Variants in KLHDC4 observed in about 807,000 individuals in gnomAD.
KLHDC4 encodes the protein kelch domain containing 4, also known as kelch domain-containing protein 4.
A neutral mutation model predicts 62.4 loss-of-function variants in KLHDC4; 90 were observed. That is an observed-to-expected ratio of 1.44 (90% CI 1.22 to 1.72). The LOEUF (loss-of-function observed/expected upper bound fraction) is 1.72, where lower values mean the gene tolerates loss of function less well. Ranked by LOEUF, KLHDC4 falls within the 40% of genes most tolerant of loss-of-function variation. The pLI, the probability that KLHDC4 is intolerant of heterozygous loss-of-function variation, is 0.00. For synonymous variants in KLHDC4, 386 were observed against 284.4 expected, an observed-to-expected ratio of 1.36 and a Z score of -3.59; for missense variants, 1,025 against 699.7, an observed-to-expected ratio of 1.47 and a Z score of -5.25.
At chr16:87,758,851 T>G (rs959873969) in intron 2 of KLHDC4, among the ~76,000 whole-genome samples, 2 of 152,144 alleles carry the variant, frequency 1.3e-5, no homozygotes, top group Admixed American at 6.5e-5. Flanking sequence ...ATGAAGTAAT[T>G]CCACTGAACT....
rs185758991 is a variant in KLHDC4, at chr16:87,734,339, G to A, written c.507-3695C>T. ...AGTCTGGGCGATAGAGCAAGACTCC[G>A]TCTCAAGAAAAAAAAAACACAAGAC... On this transcript the variant is annotated intron_variant, in intron 5 of 11. Coordinates refer to ENST00000270583, the MANE Select transcript of KLHDC4 (RefSeq NM_017566.4). Among the ~76,000 whole-genome samples, 127 of 151,904 alleles carry A rather than the reference G, an allele frequency of 8.4e-4. 1 individual carries two copies. Among genetic ancestry groups the A allele is most frequent in the African/African-American group, 2.8e-3 (114 of 41,420 alleles).
chr16:87,711,118 G>C lies in KLHDC4; in HGVS notation c.1044+117C>G, dbSNP rs887156513. 7 of 954,822 alleles carry C rather than the reference G, an allele frequency of 7.3e-6. No individual in the cohort carries two copies. The African/African-American group carries it at 9.7e-5, about 13-fold the overall frequency. The allele number at this position is 954,822 out of a possible 1,614,324, so 59.1% of individuals were successfully genotyped here. A position where few individuals can be genotyped will look rare whatever the true frequency, so the allele number is the denominator to read the frequency against. On this transcript the variant is annotated intron_variant, in intron 9 of 11. Coordinates refer to ENST00000270583, the MANE Select transcript of KLHDC4 (RefSeq NM_017566.4). ...GAGACGGAACCCTCGCCCCTCTTGA[G>C]AGAGCTCATGGGCTTTGGGGGCCCC...
At chr16:87,699,199 C>T (rs1162245786) in exon 1 of KLHDC4, 1 of 152,270 alleles carries the variant, frequency 6.6e-6, no homozygotes, top group East Asian at 1.9e-4. Context: ...GTTTTACTTA[C>T]CAGCCTCTGC....
At chr16:87,716,355 C>T (rs968618263) in intron 7 of KLHDC4, among the ~76,000 whole-genome samples, 17 of 152,136 alleles carry the variant, frequency 1.1e-4, no homozygotes, top group Admixed American at 2.6e-4. Context: ...TCTGGGTACG[C>T]GCTATGTCTC....
At chr16:87,752,344 T>TC (rs1318337144) in intron 4 of KLHDC4, among the ~76,000 whole-genome samples, 3 of 149,828 alleles carry the variant, frequency 2.0e-5, no homozygotes, top group African/African-American at 4.9e-5. Context: ...TTTTCTTTTT[T>TC]TTTTTTTTTG....
At chr16:87,737,262 C>G (rs2041490375) in intron 5 of KLHDC4, among the ~76,000 whole-genome samples, 1 of 151,858 alleles carries the variant, frequency 6.6e-6, no homozygotes, top group Admixed American at 6.6e-5. Context: ...AGTTAGAGGC[C>G]TCAGCACTGA....
chr16:87,762,133 G>T lies in KLHDC4; in HGVS notation c.100-93C>A, dbSNP rs776569273. 20 of 1,562,324 alleles carry T rather than the reference G, an allele frequency of 1.3e-5. No homozygotes were observed. The South Asian group carries it at 2.4e-4, about 19-fold the overall frequency. ...AGCTTTCCTCCAATCAGTGTGATTC[G>T]ACTGGGCTCAGTCACATCTGTGAAT... On this transcript the variant is annotated intron_variant, in intron 1 of 11. Transcript: ENST00000270583.
At chr16:87,730,398 T>C (rs897802725) in intron 6 of KLHDC4, among the ~76,000 whole-genome samples, 154 bp downstream of exon 6, 1 of 152,262 alleles carries the variant, frequency 6.6e-6, no homozygotes, top group African/African-American at 2.4e-5. Context: ...TGAGGCCCTT[T>C]GGAGGGCAAG....
chr16:87,709,266 T>C lies in KLHDC4; in HGVS notation c.1446A>G (p.Pro482=). The change falls in exon 10 of 12, where the codon CCA becomes CCG. Residue 482 remains proline, a splice_region_variant and synonymous_variant. Transcript: ENST00000270583. The stretch of plus-strand genomic sequence containing the variant: ...GAGGCACCAAGCTGCCTGGCTCACC[T>C]GGGTCCATCTCCACCAAGGCCTTCC... ...EAWKALVEMD[P]ETQEWLEETD... is the part of the protein sequence containing the mutation. The C allele has an allele frequency of 1.2e-6, 2 of 1,606,374 alleles. No homozygotes were observed. The highest frequency in any genetic ancestry group is 1.1e-5 in the South Asian group (1 of 90,990).
chr16:87,706,942 C>T (rs997502302), downstream of KLHDC4, among the ~76,000 whole-genome samples: 15 of 152,142 alleles, frequency 9.9e-5, no homozygotes, highest in South Asian at 2.1e-4. Flanking sequence ...CTTCCACCCG[C>T]CCAGCACCGG....
rs1246526222 is a variant in KLHDC4, at chr16:87,718,689, G to A, written c.760-4116C>T. ...GAGCGTCTCTGCCTGGCCGCCCATC[G>A]TCTGGGATGTGAGGAGCCCCTCTGC... On this transcript the variant is annotated intron_variant, in intron 7 of 11. Coordinates refer to ENST00000270583, the MANE Select transcript of KLHDC4 (RefSeq NM_017566.4). Among the ~76,000 whole-genome samples the A allele has an allele frequency of 4.1e-5, 6 of 145,230 alleles. No homozygotes were observed. In the South Asian group the frequency reaches 8.9e-4, roughly 21 times the overall value.
intron 4 of KLHDC4, among the ~76,000 whole-genome samples, chr16:87,754,582 C>T (rs985917935): frequency 2.0e-5 from 3 of 152,182 alleles, no homozygotes; most frequent in Non-Finnish European, 4.4e-5. Flanking sequence ...TCTTTCTCTG[C>T]ACTGGAGAGG....
Position 87,734,627 on chromosome 16 carries a change from G to A in KLHDC4, c.507-3983C>T, listed in dbSNP as rs994770419. On this transcript the variant is annotated intron_variant, in intron 5 of 11. Coordinates refer to ENST00000270583, the MANE Select transcript of KLHDC4 (RefSeq NM_017566.4). ...CCCCTCCATGGAATGTCAACCAGAAGCAATCAGTTCCTTTTTCTAGACACC... is the reference window on the plus strand; with the variant it reads ...CCCCTCCATGGAATGTCAACCAGAAACAATCAGTTCCTTTTTCTAGACACC... 5.9e-5 allele frequency among the ~76,000 whole-genome samples: 9 copies of A among 152,162 alleles called. 1 individual carries two copies. Among genetic ancestry groups the A allele is most frequent in the African/African-American group, 2.2e-4 (9 of 41,434 alleles).
intron 6 of KLHDC4, among the ~76,000 whole-genome samples, chr16:87,729,930 G>A (rs375138326): frequency 2.3e-4 from 35 of 152,280 alleles, no homozygotes; most frequent in African/African-American, 7.7e-4. Flanking sequence ...ACCAGGCTAA[G>A]GTTTGAGAAT....
chr16:87,712,523 C>T (rs750728349), intron 8 of KLHDC4, among the ~76,000 whole-genome samples: 9 of 152,230 alleles, frequency 5.9e-5, no homozygotes, highest in Non-Finnish European at 7.3e-5. Context: ...TGGGGGCTGA[C>T]GAGCAGAGCA....
chr16:87,751,328 G>C (rs1489953525), intron 4 of KLHDC4, among the ~76,000 whole-genome samples: 2 of 152,072 alleles, frequency 1.3e-5, no homozygotes, highest in East Asian at 1.9e-4. Context: ...ATAAAAATTA[G>C]CCAGACGTGG....
chr16:87,718,005 C>A (rs74039489), intron 7 of KLHDC4, among the ~76,000 whole-genome samples: 9,283 of 152,186 alleles, frequency 0.061, 947 homozygotes, highest in African/African-American at 0.21. Context: ...CACACGGGTC[C>A]ACAGGTTCCT....
chr16:87,725,547 G>A (rs752105976), intron 7 of KLHDC4, among the ~76,000 whole-genome samples: 5 of 152,198 alleles, frequency 3.3e-5, no homozygotes, highest in Non-Finnish European at 7.3e-5. Context: ...GTTAGCTGTG[G>A]TTGAAAATTT....
At chr16:87,714,831 C>A (rs551807700) in intron 7 of KLHDC4, among the ~76,000 whole-genome samples, 6 of 152,328 alleles carry the variant, frequency 3.9e-5, no homozygotes, top group African/African-American at 1.4e-4. Context: ...CCTGTCGGGG[C>A]ACGCACAGCT....
Sources: gnomAD v4.1 joint callset for allele counts (sites outside exome capture counted in the v4.1 genomes callset) on GRCh38, gnomAD v4.1.1 for gene constraint, MANE v1.5 for transcripts, NCBI Gene and HGNC (gene_info 2026-07-23, HGNC 2026-07-21) for gene names.